COL4A2: variants seen among roughly 807,000 people sequenced by gnomAD.
COL4A2 encodes collagen type IV alpha 2 chain, also known as collagen alpha-2(IV) chain.
Under a neutral mutation model 200.2 loss-of-function variants are expected in COL4A2, and 99 were observed. The observed-to-expected ratio is 0.49, with a 90% CI of 0.42 to 0.58. COL4A2 has a LOEUF of 0.58. Among genes scored for constraint, COL4A2 ranks in the 20% least tolerant of loss-of-function variants. The pLI, the probability that COL4A2 is intolerant of heterozygous loss-of-function variation, is 0.00. For missense variants in COL4A2, 1,950 were observed against 2,314.1 expected (o/e 0.84, Z 3.23); for synonymous variants, 897 against 900.6 (o/e 1.00, Z 0.07).
chr13:110,443,371 C>T (rs1881207695), intron 16 of COL4A2, among the ~76,000 whole-genome samples: 1 of 152,214 alleles, frequency 6.6e-6, no homozygotes, highest in Non-Finnish European at 1.5e-5. Flanking sequence ...TAGAAACATG[C>T]ATCTCCCTAA....
chr13:110,438,787 C>T (rs1881003380), intron 15 of COL4A2, 119 bp downstream of exon 15: 3 of 1,126,944 alleles, frequency 2.7e-6, no homozygotes, highest in African/African-American at 3.3e-5. Context: ...TAGAGATTTC[C>T]CGTTATTACT....
chr13:110,466,040 C>T lies in COL4A2; in HGVS notation c.2016C>T (p.Asp672=), dbSNP rs1273164948. The T allele has an allele frequency of 6.2e-7, 1 of 1,613,812 alleles. No individual in the cohort carries two copies. Among genetic ancestry groups the T allele is most frequent in the Non-Finnish European group, 8.5e-7 (1 of 1,179,756 alleles). The change falls in exon 26 of 48, where the codon GAC becomes GAT. Residue 672 remains aspartate (D), a synonymous_variant. Coordinates refer to ENST00000360467, the MANE Select transcript of COL4A2 (RefSeq NM_001846.4). ...ATGTGAAAAGGGCCGTTGGAGGTGA[C>T]AGACAGGAGGCCATCCAGCCAGGTA... ...DTDVKRAVGG[D]RQEAIQPGCI...
At chr13:110,321,591 G>A (rs1885280043) in intron 3 of COL4A2, among the ~76,000 whole-genome samples, 3 of 152,140 alleles carry the variant, frequency 2.0e-5, no homozygotes. Context: ...TTGTCCTTTT[G>A]TGACTGGCTT....
intron 27 of COL4A2, among the ~76,000 whole-genome samples, chr13:110,468,706 G>A (rs1420745427): frequency 1.3e-5 from 2 of 152,300 alleles, no homozygotes; most frequent in Middle Eastern, 3.4e-3. Context: ...AAAAAGTGTG[G>A]CAGATGGGTT....
intron 16 of COL4A2, among the ~76,000 whole-genome samples, chr13:110,441,931 A>G (rs932358528): frequency 2.0e-5 from 3 of 151,426 alleles, no homozygotes; most frequent in Non-Finnish European, 4.4e-5. Context: ...AATACAAAAA[A>G]AAAAAAAATT....
At chr13:110,490,565 CCT>C (rs1455016766) in intron 36 of COL4A2, among the ~76,000 whole-genome samples, 1 of 152,268 alleles carries the variant, frequency 6.6e-6, no homozygotes, top group East Asian at 1.9e-4. Context: ...GAAATAGGCG[CCT>C]CTGTTTACCA....
chr13:110,335,749 A>T lies in COL4A2; in HGVS notation c.100-21723A>T, dbSNP rs78144190. 4.5e-3 allele frequency among the ~76,000 whole-genome samples: 678 copies of T among 152,206 alleles called. 8 individuals are homozygous for T. Among genetic ancestry groups the T allele is most frequent in the African/African-American group, 0.016 (644 of 41,520 alleles). On this transcript the variant is annotated intron_variant, in intron 3 of 47. Transcript: ENST00000360467. Reference sequence around the variant, plus strand: ...CAAGGTGGTGACATTTTACTCTCAAACTGAAGAAGATAAAATTCTGGGATC... The same window carrying T: ...CAAGGTGGTGACATTTTACTCTCAATCTGAAGAAGATAAAATTCTGGGATC...
intron 4 of COL4A2, among the ~76,000 whole-genome samples, chr13:110,379,881 T>C (rs946595441): frequency 2.4e-4 from 37 of 152,052 alleles, no homozygotes; most frequent in African/African-American, 8.7e-4. Context: ...AGGACTTACT[T>C]AGCAACCCGC....
At chr13:110,447,748 TGAC>T (rs1881384551) in intron 18 of COL4A2, among the ~76,000 whole-genome samples, 1 of 111,298 alleles carries the variant, frequency 9.0e-6, no homozygotes. Flanking sequence ...CCTGACTGAG[TGAC>T]GACGTGCAGA....
Position 110,450,356 on chromosome 13 carries a change from A to C in COL4A2, c.1241A>C (p.Asp414Ala), listed in dbSNP as rs751089424. ...ATGGGACCCAAGGGCTTCATCGGAG[A>C]CCCCGGCATCCCTGCGCTCTACGGG... The part of the protein sequence containing the change: ...GEMGPKGFIG[D>A]PGIPALYGGP... The change falls in exon 20 of 48, where the codon GAC (aspartate) becomes GCC (alanine). Residue 414 changes from aspartate (D) to alanine (A), a missense_variant. Physicochemically the swap from Asp to Ala is moderately radical, Grantham distance 126. Around this residue, in one of 2 missense-constraint regions of COL4A2, gnomAD observed 565 missense variants for 593.5 expected, o/e 0.95. Coordinates refer to ENST00000360467, the MANE Select transcript of COL4A2 (RefSeq NM_001846.4). 5.6e-6 allele frequency: 9 copies of C among 1,613,580 alleles called. No individual in the cohort carries two copies. The South Asian group carries it at 9.9e-5, about 18-fold the overall frequency.
At chr13:110,485,860 C>G (rs773883731) in intron 34 of COL4A2, 24 bp downstream of exon 34, 7 of 1,611,368 alleles carry the variant, frequency 4.3e-6, no homozygotes, top group Non-Finnish European at 5.9e-6. Context: ...TTTTACTCCC[C>G]TTGTTCTGTG....
chr13:110,479,592 A>G (rs529136731), intron 30 of COL4A2, among the ~76,000 whole-genome samples: 3 of 152,312 alleles, frequency 2.0e-5, no homozygotes, highest in African/African-American at 2.4e-5. Context: ...TGCTGGAGCT[A>G]AGGAGTTGGA....
intron 7 of COL4A2, chr13:110,429,442 A>T (rs972908796): frequency 5.9e-6 from 1 of 169,580 alleles, no homozygotes; most frequent in African/African-American, 2.4e-5. Flanking sequence ...TGTATTATGT[A>T]TATGCCTACT....
chr13:110,424,667 A>C, intron 4 of COL4A2, 67 bp from the exon 5 acceptor site: 1 of 1,088,824 alleles, frequency 9.2e-7, no homozygotes, highest in Non-Finnish European at 1.3e-6. Flanking sequence ...TTTTGAAAGT[A>C]ACCGTAACTG....
At chr13:110,314,760 G>A (rs1215989656) in intron 3 of COL4A2, among the ~76,000 whole-genome samples, 2 of 152,196 alleles carry the variant, frequency 1.3e-5, no homozygotes, top group Non-Finnish European at 2.9e-5. Context: ...AACGCATCAG[G>A]CAGTACCCTC....
intron 4 of COL4A2, among the ~76,000 whole-genome samples, chr13:110,375,599 G>A (rs986722799): frequency 1.3e-5 from 2 of 152,162 alleles, no homozygotes; most frequent in Non-Finnish European, 2.9e-5. Flanking sequence ...GGAGACCAAG[G>A]TGGGCAGATC....
intron 21 of COL4A2, chr13:110,457,779 T>C: frequency 2.0e-6 from 1 of 488,494 alleles, no homozygotes; most frequent in East Asian, 6.4e-5. Context: ...TCTCAAGGGC[T>C]CAGCTCCAAG....
intron 4 of COL4A2, among the ~76,000 whole-genome samples, chr13:110,360,812 T>C (rs1044792004): frequency 6.9e-6 from 1 of 145,014 alleles, no homozygotes; most frequent in Non-Finnish European, 1.5e-5. Context: ...GGGCCTGGAC[T>C]GTGGGATCCA....
chr13:110,384,679 C>G (rs1290866597), intron 4 of COL4A2, among the ~76,000 whole-genome samples: 1 of 152,198 alleles, frequency 6.6e-6, no homozygotes, highest in African/African-American at 2.4e-5. Flanking sequence ...CTGGGGGACG[C>G]TGGTCCCAAA....
Sources: gnomAD v4.1 joint callset for allele counts (sites outside exome capture counted in the v4.1 genomes callset) on GRCh38, gnomAD v4.1.1 for gene constraint, gnomAD v4.1.1 regional missense constraint, MANE v1.5 for transcripts, NCBI Gene and HGNC (gene_info 2026-07-23, HGNC 2026-07-21) for gene names.